The following PTCSC3 variants were observed in gnomAD, a reference collection of about 807,000 sequenced individuals.
PTCSC3 encodes the protein papillary thyroid carcinoma susceptibility candidate 3.
intron 2 of PTCSC3, among the ~76,000 whole-genome samples, chr14:36,161,515 ACTCCAGGCCCCTGTTGCCTGGGTAT>A (rs1236071299): frequency 2.0e-5 from 3 of 151,886 alleles, no homozygotes; most frequent in Admixed American, 2.0e-4. Context: ...CTGGAGGTCC[ACTCCAGGCCCCTGTTGCCTGGGTAT>A]CTCCAGTAGA....
At chr14:36,163,230 A>C (rs1882009346) in intron 1 of PTCSC3, among the ~76,000 whole-genome samples, 2 of 152,110 alleles carry the variant, frequency 1.3e-5, no homozygotes. Flanking sequence ...AAACTTTAAA[A>C]ATTTTGAAAA....
intron 2 of PTCSC3, among the ~76,000 whole-genome samples, chr14:36,156,132 C>A (rs1017915112): frequency 2.0e-5 from 3 of 152,176 alleles, no homozygotes; most frequent in Non-Finnish European, 4.4e-5. Flanking sequence ...TCTGTGGGTT[C>A]TGCCTGGTAA....
At chr14:36,163,907 C>T (rs1011787778) in intron 1 of PTCSC3, among the ~76,000 whole-genome samples, 2 of 152,094 alleles carry the variant, frequency 1.3e-5, no homozygotes, top group African/African-American at 4.8e-5. Context: ...TCAGACATGA[C>T]CTCAATAATG....
At chr14:36,148,204 C>T in intron 3 of PTCSC3, among the ~76,000 whole-genome samples, 1 of 152,014 alleles carries the variant, frequency 6.6e-6, no homozygotes, top group African/African-American at 2.4e-5. Context: ...GTTTGAGCTT[C>T]CCGGCTGCTT....
chr14:36,148,670 G>A (rs567638788), intron 3 of PTCSC3, among the ~76,000 whole-genome samples: 1 of 152,186 alleles, frequency 6.6e-6, no homozygotes, highest in South Asian at 2.1e-4. Context: ...GTTCCTATTC[G>A]GCCATCTTGG....
rs1201849064 is a variant in PTCSC3, at chr14:36,159,405, A to T, written n.231+3219T>A. Among the ~76,000 whole-genome samples the T allele has an allele frequency of 4.6e-5, 7 of 152,058 alleles. No homozygotes were observed. In the East Asian group the frequency reaches 1.2e-3, roughly 25 times the overall value. ...ATTTAGTGCTATAAATTTCCCTCTT[A>T]ACACTGTTTTAGCTGTGTCCCAGAG... On this transcript the variant is annotated intron_variant and non_coding_transcript_variant, in intron 2 of 3. Coordinates refer to ENST00000556013, the Ensembl canonical transcript of PTCSC3.
At chr14:36,141,469 A>G (rs1881419169) in intron 3 of PTCSC3, among the ~76,000 whole-genome samples, 1 of 151,960 alleles carries the variant, frequency 6.6e-6, no homozygotes. Flanking sequence ...ATATATCTAT[A>G]AACATCCCAG....
chr14:36,156,918 G>A (rs186049091), intron 2 of PTCSC3, among the ~76,000 whole-genome samples: 150 of 152,180 alleles, frequency 9.9e-4, no homozygotes, highest in African/African-American at 3.4e-3. Context: ...TAATCCTTTG[G>A]GTATAAACCC....
chr14:36,142,310 A>G (rs1881441771), intron 3 of PTCSC3, among the ~76,000 whole-genome samples: 2 of 152,208 alleles, frequency 1.3e-5, no homozygotes, highest in African/African-American at 4.8e-5. Flanking sequence ...TATGGATTAT[A>G]TTAATAAATT....
chr14:36,148,784 A>G (rs572376331), intron 3 of PTCSC3, among the ~76,000 whole-genome samples: 1 of 152,138 alleles, frequency 6.6e-6, no homozygotes, highest in Non-Finnish European at 1.5e-5. Context: ...AGCCCATTTT[A>G]TCTAAATATT....
intron 2 of PTCSC3, among the ~76,000 whole-genome samples, chr14:36,161,320 C>T (rs1881951451): frequency 6.6e-6 from 1 of 152,160 alleles, no homozygotes; most frequent in African/African-American, 2.4e-5. Context: ...TAGAAATTTT[C>T]AGTCTTTTTG....
At chr14:36,157,159 G>A (rs1394204753) in intron 2 of PTCSC3, among the ~76,000 whole-genome samples, 3 of 152,210 alleles carry the variant, frequency 2.0e-5, no homozygotes, top group African/African-American at 4.8e-5. Flanking sequence ...TTTCTCTAAT[G>A]ACCAGTGATG....
chr14:36,157,320 T>A (rs1476323648), intron 2 of PTCSC3, among the ~76,000 whole-genome samples: 1 of 152,226 alleles, frequency 6.6e-6, no homozygotes, highest in Non-Finnish European at 1.5e-5. Flanking sequence ...GATGGATAGA[T>A]TGAAAAAATT....
chr14:36,157,667 G>C (rs990773852), intron 2 of PTCSC3, among the ~76,000 whole-genome samples: 16 of 151,494 alleles, frequency 1.1e-4, no homozygotes, highest in Admixed American at 2.6e-4. Flanking sequence ...CCCATTGCTT[G>C]TTTTGATGAA....
chr14:36,151,373 C>A (rs563101673), intron 3 of PTCSC3, among the ~76,000 whole-genome samples: 1 of 150,366 alleles, frequency 6.7e-6, no homozygotes, highest in African/African-American at 2.4e-5. Flanking sequence ...TTTGGGTATT[C>A]GTTCCCTTGG....
chr14:36,141,506 C>T (rs1388949127), intron 3 of PTCSC3, among the ~76,000 whole-genome samples: 5 of 151,980 alleles, frequency 3.3e-5, no homozygotes, highest in Non-Finnish European at 5.9e-5. Context: ...GCACATGCCA[C>T]CACGCCCAGC....
Position 36,171,870 on chromosome 14 carries a change from A to G in PTCSC3, n.171+4428T>C, listed in dbSNP as rs114387575. On this transcript the variant is annotated intron_variant and non_coding_transcript_variant, in intron 1 of 3. Transcript: ENST00000556013. ...TAGATGACCATACCCAGGGAATATT[A>G]GCAAATGTGGGGTGTATTTAGCATG... 3.4e-3 allele frequency among the ~76,000 whole-genome samples: 525 copies of G among 152,264 alleles called. 3 individuals carry two copies. The highest frequency in any genetic ancestry group is 0.017 in the Middle Eastern group (5 of 294).
At chr14:36,174,004 CT>C (rs1882236791) in intron 1 of PTCSC3, among the ~76,000 whole-genome samples, 1 of 151,828 alleles carries the variant, frequency 6.6e-6, no homozygotes, top group South Asian at 2.1e-4. Flanking sequence ...TCTTTGGCTG[CT>C]TTTAAGATTT....
Position 36,156,520 on chromosome 14 carries a change from G to C in PTCSC3, n.232-2626C>G, listed in dbSNP as rs113919871. ...GCAGGTTTGTTGCACCCATCCGCCC[G>C]TCATCTACATTAGGTATTTCTCCTA... On this transcript the variant is annotated intron_variant and non_coding_transcript_variant, in intron 2 of 3. Transcript: ENST00000556013. Among the ~76,000 whole-genome samples, 272 of 152,122 alleles carry C rather than the reference G, an allele frequency of 1.8e-3. 3 individuals are homozygous for C. The highest frequency in any genetic ancestry group is 6.1e-3 in the African/African-American group (254 of 41,490).
Sources: gnomAD v4.1 joint callset for allele counts (sites outside exome capture counted in the v4.1 genomes callset) on GRCh38, gnomAD v4.1.1 for gene constraint, MANE v1.5 for transcripts, NCBI Gene and HGNC (gene_info 2026-07-23, HGNC 2026-07-21) for gene names.